Variants in LRBA observed in about 807,000 individuals in gnomAD.
The protein encoded by LRBA is lipopolysaccharide-responsive and beige-like anchor protein.
LRBA carries 176 observed loss-of-function variants against 330.0 expected under a neutral mutation model. That is an observed-to-expected ratio of 0.53 (90% confidence interval 0.47 to 0.60). The LOEUF (loss-of-function observed/expected upper bound fraction) is 0.60. Among genes scored for constraint, LRBA ranks in the 20% least tolerant of loss-of-function variants. The pLI is 0.00. For missense variants in LRBA, 3,259 were observed against 3,444.8 expected, an observed-to-expected ratio of 0.95 and a Z score of 1.35; for synonymous variants, 1,230 against 1,193.0, an observed-to-expected ratio of 1.03 and a Z score of -0.64.
rs1034026997 is a variant in LRBA at position 150,423,332 on chromosome 4, C to A, written c.7042-7742G>T. Reference sequence around the variant, plus strand: ...TCCTCTCCCTGGGGGACGAGCTCTGCGGACTGTGAGGAGGCGTCAAGGGTC... The same window carrying A: ...TCCTCTCCCTGGGGGACGAGCTCTGAGGACTGTGAGGAGGCGTCAAGGGTC... On this transcript the variant is annotated intron_variant, in intron 46 of 56. Coordinates refer to ENST00000651943, the MANE Select transcript of LRBA (RefSeq NM_001364905.1). 75 of 718,868 alleles carry A rather than the reference C, an allele frequency of 1.0e-4. 1 individual carries two copies. The highest frequency in any genetic ancestry group is 1.7e-4 in the Non-Finnish European group (69 of 408,482). The allele number at this position is 718,868 out of a possible 1,614,324, so 44.5% of individuals were successfully genotyped here.
intron 46 of LRBA, among the ~76,000 whole-genome samples, chr4:150,428,194 A>C (rs1222406545): frequency 6.6e-6 from 1 of 152,092 alleles, no homozygotes; most frequent in African/African-American, 2.4e-5. Context: ...ACTTAATTGC[A>C]TTCTATTTAC....
chr4:150,919,458 T>C (rs1411873735), intron 5 of LRBA, among the ~76,000 whole-genome samples: 3 of 152,248 alleles, frequency 2.0e-5, no homozygotes, highest in African/African-American at 7.2e-5. Context: ...ATTATACATA[T>C]ATTCTTTTAT....
Position 150,852,048 on chromosome 4 carries a change from T to A in LRBA, c.3662A>T (p.Glu1221Val), listed in dbSNP as rs1463497402. Reference sequence around the variant, plus strand: ...ATGACAATCATTAATTAATTTGGTTTCTCTAGTGAGGTTAGTTGCTTTCTT... The same window carrying A: ...ATGACAATCATTAATTAATTTGGTTACTCTAGTGAGGTTAGTTGCTTTCTT... The part of the protein sequence containing the change: ...EGKKATNLTR[E>V]TKLINDCHGS... The change falls in exon 23 of 57, where the codon GAA (glutamate) becomes GTA (valine). Residue 1221 changes from glutamate (E) to valine (V), a missense_variant. Transcript: ENST00000651943. 6.2e-7 allele frequency: 1 copy of A among 1,614,160 alleles called. No individual in the cohort carries two copies. The highest frequency in any genetic ancestry group is 8.5e-7 in the Non-Finnish European group (1 of 1,179,992).
At chr4:150,506,776 G>A (rs1042023494) in intron 40 of LRBA, among the ~76,000 whole-genome samples, 1 of 152,166 alleles carries the variant, frequency 6.6e-6, no homozygotes, top group Non-Finnish European at 1.5e-5. Flanking sequence ...TAGGAAAAGA[G>A]GAAGTCAAAC....
chr4:150,971,429 G>A (rs1466632946), intron 2 of LRBA, among the ~76,000 whole-genome samples: 3 of 152,146 alleles, frequency 2.0e-5, no homozygotes, highest in Admixed American at 2.0e-4. Context: ...TTTTCATTAT[G>A]TTATTTTGAA....
At position 150,327,736 on chromosome 4, in the gene LRBA, C is replaced by T. The variant is rs180995514; in HGVS notation, c.7363-1838G>A. ...GATAATGCATATAAAGTGCTTAGCA[C>T]AGTACCTAGCACATACAAAGCACTA... On this transcript the variant is annotated intron_variant, in intron 48 of 56. Coordinates refer to ENST00000651943, the MANE Select transcript of LRBA (RefSeq NM_001364905.1). 3.3e-5 allele frequency among the ~76,000 whole-genome samples: 5 copies of T among 152,324 alleles called. No individual in the cohort carries two copies. In the East Asian group the frequency reaches 5.8e-4, roughly 18 times the overall value.
intron 40 of LRBA, 120 bp from the exon 41 acceptor site, chr4:150,491,155 T>C: frequency 2.2e-6 from 1 of 452,474 alleles, no homozygotes; most frequent in African/African-American, 2.0e-5. Context: ...AAAAAGGATT[T>C]AATAGTTACA....
Position 150,844,154 on chromosome 4 carries a change from C to T in LRBA, c.4515G>A (p.Arg1505=), listed in dbSNP as rs774425640. ...GGISPVRDLD[R]LLQDMDINRL... Reference sequence around the variant, plus strand: ...GATTAATATCCATGTCCTGTAGAAGCCTGTCAAGATCTCTTACTGGAGATA... The same window carrying T: ...GATTAATATCCATGTCCTGTAGAAGTCTGTCAAGATCTCTTACTGGAGATA... Residue 1505 remains arginine (R), a synonymous_variant, in exon 28 of 57, where the codon AGG becomes AGA. Coordinates refer to ENST00000651943, the MANE Select transcript of LRBA (RefSeq NM_001364905.1). 27 of 1,611,740 alleles carry T rather than the reference C, an allele frequency of 1.7e-5. No homozygotes were observed. The highest frequency in any genetic ancestry group is 2.5e-6 in the Non-Finnish European group (3 of 1,178,686).
At chr4:150,735,182 AT>A (rs896385918) in intron 36 of LRBA, 75 bp downstream of exon 36, 18 of 1,115,752 alleles carry the variant, frequency 1.6e-5, no homozygotes, top group Non-Finnish European at 2.1e-5. Context: ...TGGACCTGCC[AT>A]TTTACCGGGA....
Position 151,010,546 on chromosome 4 carries a change from A to G in LRBA, c.216+3881T>C, listed in dbSNP as rs1036815795. On this transcript the variant is annotated intron_variant, in intron 2 of 56. Transcript: ENST00000651943. Reference sequence around the variant, plus strand: ...ATTTCAAAGTAATTTATAACAGACTAAGGTCAAGCTACATTAGCAAAGTTG... The same window carrying G: ...ATTTCAAAGTAATTTATAACAGACTGAGGTCAAGCTACATTAGCAAAGTTG... Among the ~76,000 whole-genome samples the G allele has an allele frequency of 5.9e-5, 9 of 151,998 alleles. 1 individual carries two copies. In the South Asian group the frequency reaches 1.0e-3, roughly 18 times the overall value.
At chr4:150,910,529 G>A (rs1262048897) in intron 9 of LRBA, among the ~76,000 whole-genome samples, 1 of 152,108 alleles carries the variant, frequency 6.6e-6, no homozygotes, top group Non-Finnish European at 1.5e-5. Flanking sequence ...CTTGGCCTAT[G>A]TGTCTAAGCA....
At chr4:150,485,630 C>A (rs1757787556) in intron 42 of LRBA, among the ~76,000 whole-genome samples, 1 of 151,756 alleles carries the variant, frequency 6.6e-6, no homozygotes, top group Non-Finnish European at 1.5e-5. Context: ...ATCTAAAAAC[C>A]AAGGAGACCG....
chr4:150,735,329 C>T lies in LRBA; in HGVS notation c.5683G>A (p.Val1895Ile). The T allele has an allele frequency of 6.2e-7, 1 of 1,613,664 alleles. No homozygotes were observed. Among genetic ancestry groups the T allele is most frequent in the Non-Finnish European group, 8.5e-7 (1 of 1,179,698 alleles). Reference protein sequence around the residue: ...SQTMKDHLVRVANEAEFILSR... With the variant: ...SQTMKDHLVRIANEAEFILSR... ...AGGATAAATTCAGCTTCATTTGCTACTCTTACTAGATGATCCTTCATTGTC... is the reference window on the plus strand; with the variant it reads ...AGGATAAATTCAGCTTCATTTGCTATTCTTACTAGATGATCCTTCATTGTC... Residue 1895 changes from valine (V) to isoleucine (I), a missense_variant, in exon 36 of 57, where the codon GTA becomes ATA. By Grantham distance (29) the Val-to-Ile change is conservative (BLOSUM62 3). Coordinates refer to ENST00000651943, the MANE Select transcript of LRBA (RefSeq NM_001364905.1).
intron 44 of LRBA, among the ~76,000 whole-genome samples, chr4:150,444,298 C>T (rs1026839460): frequency 6.6e-6 from 1 of 151,940 alleles, no homozygotes; most frequent in Non-Finnish European, 1.5e-5. Context: ...GTTGCTGAGG[C>T]TTTTTATAGA....
In LRBA at chr4:150,644,813, T is replaced by C. The variant is rs1279824084; in HGVS notation, c.5921+38738A>G. 3.3e-5 allele frequency among the ~76,000 whole-genome samples: 5 copies of C among 152,014 alleles called. No individual in the cohort carries two copies. In the East Asian group the frequency reaches 9.7e-4, roughly 29 times the overall value. On this transcript the variant is annotated intron_variant, in intron 37 of 56. Coordinates refer to ENST00000651943, the MANE Select transcript of LRBA (RefSeq NM_001364905.1). ...TGAAGTGGAATCTGCTAGGATGTCT[T>C]ATAACAAATGGTGTTAAAAGTATGT...
intron 36 of LRBA, among the ~76,000 whole-genome samples, chr4:150,711,688 C>G (rs1786236488): frequency 6.6e-6 from 1 of 152,158 alleles, no homozygotes; most frequent in South Asian, 2.1e-4. Flanking sequence ...CTATAAATAA[C>G]TATTAAAAAA....
At chr4:150,448,819 A>G (rs1752958474) in intron 44 of LRBA, among the ~76,000 whole-genome samples, 1 of 67,296 alleles carries the variant, frequency 1.5e-5, no homozygotes, top group Non-Finnish European at 3.2e-5. Context: ...AAAAAAAAAA[A>G]AAAGGGGGGG....
At chr4:150,526,601 TCA>T (rs1318534865) in intron 40 of LRBA, among the ~76,000 whole-genome samples, 5 of 152,130 alleles carry the variant, frequency 3.3e-5, no homozygotes, top group Admixed American at 3.3e-4. Flanking sequence ...TTTCAGACCT[TCA>T]CAAAAATAGA....
chr4:150,438,044 G>C (rs1351832292), intron 44 of LRBA, among the ~76,000 whole-genome samples: 1 of 152,146 alleles, frequency 6.6e-6, no homozygotes, highest in African/African-American at 2.4e-5. Flanking sequence ...GGAGTCTAAG[G>C]CTCAAAAAAT....
Sources: gnomAD v4.1 joint callset for allele counts (sites outside exome capture counted in the v4.1 genomes callset) on GRCh38, gnomAD v4.1.1 for gene constraint, MANE v1.5 for transcripts, NCBI Gene and HGNC (gene_info 2026-07-23, HGNC 2026-07-21) for gene names.